The following PCSK6 variants were observed in gnomAD, a reference collection of about 807,000 sequenced individuals.
The protein encoded by PCSK6 is proprotein convertase subtilisin/kexin type 6.
In PCSK6, 85 loss-of-function variants were observed where a neutral mutation model predicts 123.3. The observed-to-expected ratio is 0.69, with a 90% CI of 0.58 to 0.83. The LOEUF is 0.83. Among genes scored for constraint, PCSK6 ranks in the 40% least tolerant of loss-of-function variants. The pLI is 0.00. For synonymous variants in PCSK6, 508 were observed against 516.0 expected (o/e 0.98, Z 0.21); for missense variants, 1,191 against 1,282.3 (o/e 0.93, Z 1.09).
intron 6 of PCSK6, among the ~76,000 whole-genome samples, chr15:101,409,601 T>TTA (rs2042885203): frequency 9.2e-6 from 1 of 108,510 alleles, no homozygotes; most frequent in Admixed American, 8.9e-5. Flanking sequence ...AAAAAAAAAA[T>TTA]GCAGGGAAAG....
intron 6 of PCSK6, among the ~76,000 whole-genome samples, chr15:101,423,748 A>T (rs1463932403): frequency 6.6e-6 from 1 of 152,236 alleles, no homozygotes; most frequent in Non-Finnish European, 1.5e-5. Context: ...GAGTAGAAAG[A>T]AAATGGAACT....
intron 6 of PCSK6, among the ~76,000 whole-genome samples, chr15:101,426,934 C>T (rs575958920): frequency 6.6e-5 from 10 of 152,344 alleles, no homozygotes; most frequent in African/African-American, 2.2e-4. Flanking sequence ...GGAGCACCTT[C>T]GGACTGAGAA....
chr15:101,392,364 C>G (rs1168721399), intron 8 of PCSK6, among the ~76,000 whole-genome samples: 3 of 152,290 alleles, frequency 2.0e-5, no homozygotes, highest in Middle Eastern at 3.4e-3. Flanking sequence ...CGGAGCAAAG[C>G]CGAGAACAGG....
At chr15:101,362,158 A>G (rs28480613) in intron 13 of PCSK6, among the ~76,000 whole-genome samples, 3,083 of 152,130 alleles carry the variant, frequency 0.02, 49 homozygotes, top group African/African-American at 0.051. Flanking sequence ...GGGTTTCACC[A>G]TGTTGGCCAG....
chr15:101,427,560 C>T (rs2056300187), intron 6 of PCSK6, among the ~76,000 whole-genome samples: 3 of 152,212 alleles, frequency 2.0e-5, no homozygotes, highest in Non-Finnish European at 2.9e-5. Flanking sequence ...AGTGACGGAG[C>T]CACTGAGGGC....
In PCSK6 at chr15:101,318,230, C is replaced by A. The variant is rs532899647; in HGVS notation, c.2569+89G>T. The A allele has an allele frequency of 3.5e-5, 32 of 922,788 alleles. No homozygotes were observed. The South Asian group carries it at 4.8e-4, about 14-fold the overall frequency. 57.2% of individuals were successfully genotyped at this position (922,788 alleles called of 1,614,324 possible). A position where few individuals can be genotyped will look rare whatever the true frequency, so the allele number is the denominator to read the frequency against. ...TAATGCTGCAATAAATGCAGAAGCC[C>A]ACGAAGTCCTAGGGCTTTCTCGGGT... On this transcript the variant is annotated intron_variant, in intron 19 of 21. Coordinates refer to ENST00000611716, the MANE Select transcript of PCSK6 (RefSeq NM_002570.5).
chr15:101,432,131 T>C, intron 2 of PCSK6, 31 bp from the exon 3 acceptor site: 1 of 1,547,470 alleles, frequency 6.5e-7, no homozygotes, highest in South Asian at 1.2e-5. Flanking sequence ...ACTGTTTATA[T>C]TAGAAATGAT....
intron 1 of PCSK6, among the ~76,000 whole-genome samples, chr15:101,444,959 C>T (rs150234041): frequency 1.9e-3 from 291 of 152,318 alleles, no homozygotes; most frequent in African/African-American, 5.6e-3. Flanking sequence ...TTCTCCTTTC[C>T]GGCAACCCTG....
intron 11 of PCSK6, among the ~76,000 whole-genome samples, chr15:101,377,236 C>G (rs976019292): frequency 2.0e-5 from 3 of 152,114 alleles, no homozygotes; most frequent in African/African-American, 7.2e-5. Context: ...CCGGAGGAAG[C>G]TCTGGGCAGC....
intron 13 of PCSK6, 105 bp downstream of exon 13, chr15:101,366,091 A>C: frequency 8.0e-7 from 1 of 1,251,086 alleles, no homozygotes; most frequent in Non-Finnish European, 1.1e-6. Context: ...TACCTCTAAA[A>C]CACAAAACAA....
chr15:101,401,137 T>C (rs989391091), intron 6 of PCSK6, among the ~76,000 whole-genome samples: 2 of 152,182 alleles, frequency 1.3e-5, no homozygotes, highest in African/African-American at 4.8e-5. Flanking sequence ...TCAAAATCAA[T>C]GTCAGAGAAA....
chr15:101,415,319 GCCA>G (rs1420975550), intron 6 of PCSK6, among the ~76,000 whole-genome samples: 1 of 152,244 alleles, frequency 6.6e-6, no homozygotes, highest in East Asian at 1.9e-4. Context: ...GTCTGTGAAG[GCCA>G]CCCGGGGACG....
At chr15:101,326,639 G>A (rs563990681) in intron 15 of PCSK6, among the ~76,000 whole-genome samples, 160 bp from the exon 16 acceptor site, 3 of 152,358 alleles carry the variant, frequency 2.0e-5, no homozygotes, top group Admixed American at 1.3e-4. Flanking sequence ...GGGAGCAGCC[G>A]TCCCTGCGGG....
intron 1 of PCSK6, among the ~76,000 whole-genome samples, chr15:101,457,563 C>A (rs1424492625): frequency 6.6e-6 from 1 of 152,212 alleles, no homozygotes; most frequent in Non-Finnish European, 1.5e-5. Context: ...AAGCTAGTTG[C>A]AAAGTTAGAG....
chr15:101,385,306 C>G (rs1254631297), intron 9 of PCSK6, among the ~76,000 whole-genome samples: 1 of 152,204 alleles, frequency 6.6e-6, no homozygotes, highest in East Asian at 1.9e-4. Flanking sequence ...GTGTGAGCCA[C>G]CACACCTGGC....
intron 1 of PCSK6, chr15:101,462,978 CAG>C: frequency 2.2e-6 from 1 of 455,382 alleles, no homozygotes; most frequent in Non-Finnish European, 4.4e-6. Context: ...AGGCTTTGTG[CAG>C]AGGAGGGCCG....
In PCSK6 at chr15:101,489,394, C is replaced by G. The variant is rs1426727073; in HGVS notation, c.277G>C (p.Gly93Arg). 2 of 1,268,036 alleles carry G rather than the reference C, an allele frequency of 1.6e-6. No individual in the cohort carries two copies. The highest frequency in any genetic ancestry group is 2.0e-6 in the Non-Finnish European group (2 of 992,668). The allele number at this position is 1,268,036 out of a possible 1,614,324, so 78.5% of individuals were successfully genotyped here. A position where few individuals can be genotyped will look rare whatever the true frequency, so the allele number is the denominator to read the frequency against. ...AEADRVAAAH[G>R]YLNLGQIGNL... ...CTCACCTGGCCCAAGTTGAGGTACCCGTGCGCCGCCGCCACGCGGTCCGCC... is the reference window on the plus strand; with the variant it reads ...CTCACCTGGCCCAAGTTGAGGTACCGGTGCGCCGCCGCCACGCGGTCCGCC... The change falls in exon 1 of 22, where the codon GGG becomes CGG. Residue 93 changes from glycine to arginine, a missense_variant. Transcript: ENST00000611716.
chr15:101,484,236 T>C (rs1471345610), intron 1 of PCSK6, among the ~76,000 whole-genome samples: 8 of 152,062 alleles, frequency 5.3e-5, no homozygotes, highest in Non-Finnish European at 1.2e-4. Context: ...GCAGATAAAG[T>C]TTGAAGTTCC....
chr15:101,435,494 A>G (rs1469290859), intron 2 of PCSK6, among the ~76,000 whole-genome samples: 1 of 152,240 alleles, frequency 6.6e-6, no homozygotes, highest in East Asian at 1.9e-4. Context: ...ATCTGTAGAA[A>G]GTGCCAGGAT....
Sources: allele counts gnomAD v4.1 joint callset (sites outside exome capture counted in the v4.1 genomes callset), GRCh38; gene constraint gnomAD v4.1.1; transcripts MANE v1.5; gene names NCBI Gene and HGNC (gene_info 2026-07-23, HGNC 2026-07-21).